SLC16A7: variants seen among roughly 807,000 people sequenced by gnomAD.
SLC16A7 encodes solute carrier family 16 member 7, also known as monocarboxylate transporter 2.
A neutral mutation model predicts 34.9 loss-of-function variants in SLC16A7; 33 were observed. That is an observed-to-expected ratio of 0.94 (90% confidence interval 0.72 to 1.26). The LOEUF (loss-of-function observed/expected upper bound fraction) is 1.26. Among genes scored for constraint, SLC16A7 ranks in the 50% most tolerant of loss-of-function variants. SLC16A7 has a pLI of 0.00. For synonymous variants in SLC16A7, 201 were observed against 206.6 expected (o/e 0.97, Z 0.23); for missense variants, 573 against 578.1 (o/e 0.99, Z 0.09).
At chr12:59,758,497 A>G (rs1414770555) in intron 3 of SLC16A7, among the ~76,000 whole-genome samples, 2 of 152,080 alleles carry the variant, frequency 1.3e-5, no homozygotes, top group Non-Finnish European at 2.9e-5. Context: ...TAATTATTAT[A>G]GGGTATTTAT....
intron 3 of SLC16A7, among the ~76,000 whole-genome samples, chr12:59,765,941 G>C (rs1170952918): frequency 6.6e-6 from 1 of 152,084 alleles, no homozygotes; most frequent in African/African-American, 2.4e-5. Context: ...CCATTTTCAT[G>C]ATATTGATTC....
At chr12:59,725,223 A>G in intron 3 of SLC16A7, among the ~76,000 whole-genome samples, 1 of 152,120 alleles carries the variant, frequency 6.6e-6, no homozygotes, top group East Asian at 1.9e-4. Context: ...TCAACTCCAT[A>G]GAACTTAATA....
intron 2 of SLC16A7, among the ~76,000 whole-genome samples, chr12:59,663,273 AATT>A (rs1399825053): frequency 6.6e-6 from 1 of 151,936 alleles, no homozygotes; most frequent in African/African-American, 2.4e-5. Context: ...AGCCTTTTAA[AATT>A]ATTATTCTTG....
chr12:59,627,272 A>AT (rs1879970214), intron 1 of SLC16A7, among the ~76,000 whole-genome samples: 1 of 151,784 alleles, frequency 6.6e-6, no homozygotes, highest in East Asian at 1.9e-4. Flanking sequence ...AAATCCATTA[A>AT]TTTTTTTGCA....
At chr12:59,742,304 G>A (rs1055057338) in intron 3 of SLC16A7, among the ~76,000 whole-genome samples, 3 of 152,180 alleles carry the variant, frequency 2.0e-5, no homozygotes, top group Non-Finnish European at 4.4e-5. Flanking sequence ...ACACTTTAAT[G>A]TTAACAGCTC....
chr12:59,677,293 T>A (rs942062626), intron 2 of SLC16A7, among the ~76,000 whole-genome samples: 2 of 152,074 alleles, frequency 1.3e-5, no homozygotes, highest in South Asian at 2.1e-4. Context: ...ACTGGAAAAA[T>A]TTGAAAATTG....
chr12:59,697,714 T>TAA (rs879401774), intron 2 of SLC16A7, among the ~76,000 whole-genome samples: 2 of 143,316 alleles, frequency 1.4e-5, no homozygotes, highest in Admixed American at 1.4e-4. Context: ...AAAAGACTGT[T>TAA]AAAAAAAAAA....
At chr12:59,744,318 G>A (rs1878652043) in intron 3 of SLC16A7, among the ~76,000 whole-genome samples, 1 of 152,020 alleles carries the variant, frequency 6.6e-6, no homozygotes, top group African/African-American at 2.4e-5. Context: ...AGAAGCAGCT[G>A]GACATTAGAG....
At chr12:59,668,833 G>A (rs1869431319) in intron 2 of SLC16A7, among the ~76,000 whole-genome samples, 2 of 152,162 alleles carry the variant, frequency 1.3e-5, no homozygotes, top group South Asian at 4.1e-4. Flanking sequence ...GGGAACTGGT[G>A]GGAGGTAATT....
At chr12:59,662,233 C>T (rs927313307) in intron 2 of SLC16A7, among the ~76,000 whole-genome samples, 4 of 151,804 alleles carry the variant, frequency 2.6e-5, no homozygotes, top group Non-Finnish European at 4.4e-5. Context: ...AGTTACAATG[C>T]GAAAAACATC....
chr12:59,611,311 G>T (rs1313450641), intron 1 of SLC16A7, among the ~76,000 whole-genome samples: 1 of 152,170 alleles, frequency 6.6e-6, no homozygotes, highest in East Asian at 1.9e-4. Flanking sequence ...GCAGGAGAGA[G>T]AAATGAGTGC....
intron 2 of SLC16A7, among the ~76,000 whole-genome samples, chr12:59,674,405 T>G (rs1870136006): frequency 6.6e-6 from 1 of 152,198 alleles, no homozygotes; most frequent in African/African-American, 2.4e-5. Flanking sequence ...AGAAAGAGGC[T>G]TTCTTCTTCT....
chr12:59,779,390 A>G (rs780582457), intron 5 of SLC16A7, 33 bp from the exon 6 acceptor site: 2 of 1,506,790 alleles, frequency 1.3e-6, no homozygotes, highest in South Asian at 2.5e-5. Flanking sequence ...CTGTTTTATT[A>G]TGCCAACTTA....
At chr12:59,690,611 C>T (rs527390699) in intron 2 of SLC16A7, among the ~76,000 whole-genome samples, 1 of 152,056 alleles carries the variant, frequency 6.6e-6, no homozygotes, top group East Asian at 1.9e-4. Flanking sequence ...CAGATTAAGT[C>T]CATGCCTTCT....
chr12:59,774,908 T>C lies in SLC16A7; in HGVS notation c.613T>C (p.Ser205Pro), dbSNP rs757724365. Residue 205 changes from serine to proline, a missense_variant, in exon 5 of 6, where the codon TCT (serine) becomes CCT (proline). Ser to Pro is a moderately conservative substitution (Grantham distance 74, BLOSUM62 -1). Coordinates refer to ENST00000547379, the MANE Select transcript of SLC16A7 (RefSeq NM_001270623.2). ...MRPLGPNQTT[S>P]KSKNKTGKTE... ...ACCCCTTGGACCCAATCAAACCACT[T>C]CTAAGTCTAAAAATAAGACTGGCAA... 1.9e-6 allele frequency: 3 copies of C among 1,613,800 alleles called. No homozygotes were observed. The East Asian group carries it at 6.7e-5, about 36-fold the overall frequency.
chr12:59,697,605 T>C (rs1872458425), intron 2 of SLC16A7, among the ~76,000 whole-genome samples: 1 of 151,910 alleles, frequency 6.6e-6, no homozygotes, highest in South Asian at 2.1e-4. Flanking sequence ...TCCTTTCCTT[T>C]ACTTTTCATT....
chr12:59,628,268 A>G (rs1002597399), intron 1 of SLC16A7, among the ~76,000 whole-genome samples: 1 of 151,850 alleles, frequency 6.6e-6, no homozygotes, highest in Admixed American at 6.6e-5. Flanking sequence ...GCTCTTTTAA[A>G]GTCTTAAATT....
At chr12:59,610,497 G>A (rs1879143867) in intron 1 of SLC16A7, among the ~76,000 whole-genome samples, 1 of 152,058 alleles carries the variant, frequency 6.6e-6, no homozygotes, top group Non-Finnish European at 1.5e-5. Flanking sequence ...TTGAGTGCTT[G>A]ATTATACCTT....
At chr12:59,610,837 G>A (rs1879161064) in intron 1 of SLC16A7, among the ~76,000 whole-genome samples, 1 of 152,362 alleles carries the variant, frequency 6.6e-6, no homozygotes, top group Non-Finnish European at 1.5e-5. Context: ...AGGCAGTTGA[G>A]CTGAATGACA....
Sources: gnomAD v4.1 joint callset for allele counts (sites outside exome capture counted in the v4.1 genomes callset) on GRCh38, gnomAD v4.1.1 for gene constraint, MANE v1.5 for transcripts, NCBI Gene and HGNC (gene_info 2026-07-23, HGNC 2026-07-21) for gene names.